The following RBFOX3 variants were observed in gnomAD, a reference collection of about 807,000 sequenced individuals.
RBFOX3 encodes RNA binding protein fox-1 homolog 3.
In RBFOX3, 17 loss-of-function variants were observed where a neutral mutation model predicts 48.7. The observed-to-expected ratio is 0.35, with a 90% confidence interval of 0.24 to 0.52. RBFOX3 has a LOEUF of 0.52. RBFOX3 is among the 20% of genes least tolerant of loss of function. The probability of loss-of-function intolerance (pLI) is 0.94; values close to 1 mark genes in which losing one functional copy is unlikely to be tolerated. For missense variants in RBFOX3, 382 were observed against 497.5 expected, an observed-to-expected ratio of 0.77 and a Z score of 2.21; for synonymous variants, 212 against 209.5, an observed-to-expected ratio of 1.01 and a Z score of -0.10.
chr17:79,504,740 A>G (rs2082846257), intron 1 of RBFOX3, among the ~76,000 whole-genome samples: 1 of 152,130 alleles, frequency 6.6e-6, no homozygotes, highest in South Asian at 2.1e-4. Context: ...CCAGCTCAAG[A>G]TCCTTCACTT....
chr17:79,391,257 A>C lies in RBFOX3; in HGVS notation c.-174-83433T>G, dbSNP rs2061347348. 6.6e-6 allele frequency among the ~76,000 whole-genome samples: 1 copy of C among 151,088 alleles called. No homozygotes were observed. Among genetic ancestry groups the C allele is most frequent in the Non-Finnish European group, 1.5e-5 (1 of 67,810 alleles). ...GATGAAATCCAAATTCCTTAGCGCA[A>C]CCCCCAAGCTGGGGTCTCAGCTCCA... On this transcript the variant is annotated intron_variant, in intron 2 of 14. Transcript: ENST00000693108. This position sits in a 1 kb window ranked among gnomAD's most constrained non-coding sequence, Gnocchi z 5.0.
Position 79,535,646 on chromosome 17 carries a change from C to A in RBFOX3, c.-319-53048G>T, listed in dbSNP as rs1408075512. ...ATTCTGGGCGGACAAGGCAGGATAG[C>A]CAGCCCACAAAGACACAGTATGCGC... On this transcript the variant is annotated intron_variant, in intron 1 of 14. Coordinates refer to ENST00000693108, the MANE Select transcript of RBFOX3 (RefSeq NM_001350451.2). The surrounding 1 kb of genome is among the most constrained non-coding windows in gnomAD (Gnocchi z 4.5). Among the ~76,000 whole-genome samples, 1 of 152,184 alleles carries A rather than the reference C, an allele frequency of 6.6e-6. No individual in the cohort carries two copies. Among genetic ancestry groups the A allele is most frequent in the Non-Finnish European group, 1.5e-5 (1 of 68,028 alleles).
chr17:79,490,016 G>T (rs1311348429), intron 1 of RBFOX3, among the ~76,000 whole-genome samples: 1 of 152,096 alleles, frequency 6.6e-6, no homozygotes, highest in African/African-American at 2.4e-5. Context: ...AGATTATAGG[G>T]AATATACAAT....
the RBFOX3 span, among the ~76,000 whole-genome samples, chr17:79,642,443 T>C: frequency 2.0e-5 from 3 of 152,316 alleles, no homozygotes; most frequent in African/African-American, 7.2e-5. Context: ...AATGTATATA[T>C]ATATACAAAT....
the RBFOX3 span, among the ~76,000 whole-genome samples, chr17:79,628,138 C>G: frequency 6.6e-4 from 100 of 151,444 alleles, no homozygotes; most frequent in Non-Finnish European, 1.2e-3. Context: ...TCCAGGACCC[C>G]CAACTCCAAA....
At chr17:79,593,573 G>T (rs2093483362) in intron 1 of RBFOX3, among the ~76,000 whole-genome samples, 1 of 152,192 alleles carries the variant, frequency 6.6e-6, no homozygotes, top group African/African-American at 2.4e-5. Context: ...CACCGAGGGA[G>T]GAATCCTTTC....
rs557599713 is a variant in RBFOX3, at chr17:79,115,514, C to A, written c.202G>T (p.Ala68Ser). Residue 68 changes from alanine (A) to serine (S), a missense_variant, in exon 5 of 15, where the codon GCC (alanine) becomes TCC (serine). This residue lies in a region of RBFOX3 where 118 missense variants were observed against 132.1 expected (regional missense o/e 0.89). Transcript: ENST00000693108. ...CTTACCGGCACTGTCTGGGTCCCGG[C>A]GATGGGCTGTGTGCTGGCCTCGGAG... is the stretch of plus-strand genomic sequence containing the variant. ...PGSEASTQPI[A>S]GTQTVPQTDE... 2 of 1,337,262 alleles carry A rather than the reference C, an allele frequency of 1.5e-6. No individual in the cohort carries two copies. The highest frequency in any genetic ancestry group is 1.5e-5 in the African/African-American group (1 of 65,406). 82.8% of individuals were successfully genotyped at this position (1,337,262 alleles called of 1,614,324 possible). A position where few individuals can be genotyped will look rare whatever the true frequency, so the allele number is the denominator to read the frequency against.
Position 79,525,088 on chromosome 17 carries a change from C to T in RBFOX3, c.-319-42490G>A, listed in dbSNP as rs1232971897. On this transcript the variant is annotated intron_variant, in intron 1 of 14. Transcript: ENST00000693108. ...GAAAGAGACCAACCATGTCTCCCAA[C>T]CTTTCGGGGTGCCCTGTAAACCAGA... Among the ~76,000 whole-genome samples the T allele has an allele frequency of 3.3e-5, 5 of 152,336 alleles. No individual in the cohort carries two copies. In the East Asian group the frequency reaches 7.7e-4, roughly 24 times the overall value.
rs553454575 is a variant in RBFOX3 at position 79,273,566 on chromosome 17, T to C, written c.-74+34158A>G. ...TGGCAGGCTATAGGGTAAACAGTGC[T>C]CTGGGGGGGGCGGGGGCGGGGTGCT... On this transcript the variant is annotated intron_variant, in intron 3 of 14. Coordinates refer to ENST00000693108, the MANE Select transcript of RBFOX3 (RefSeq NM_001350451.2). 1.2e-3 allele frequency among the ~76,000 whole-genome samples: 114 copies of C among 94,966 alleles called. 1 individual carries two copies. The highest frequency in any genetic ancestry group is 3.7e-3 in the African/African-American group (107 of 28,598). The allele number at this position is 94,966 out of a possible 152,430, so 62.3% of individuals were successfully genotyped here. A position where few individuals can be genotyped will look rare whatever the true frequency, so the allele number is the denominator to read the frequency against.
At chr17:79,652,453 A>C in the RBFOX3 span, among the ~76,000 whole-genome samples, 1 of 144,180 alleles carries the variant, frequency 6.9e-6, no homozygotes, top group African/African-American at 2.6e-5. Context: ...CTGGAAAGAA[A>C]GAGAGAGAGA....
chr17:79,101,025 C>T (rs980491117), intron 9 of RBFOX3, among the ~76,000 whole-genome samples: 19 of 152,212 alleles, frequency 1.2e-4, no homozygotes, highest in African/African-American at 4.6e-4. Context: ...GCACCTCCCC[C>T]CGGGCCCTTC....
chr17:79,093,993 C>T (rs772559834), intron 14 of RBFOX3, among the ~76,000 whole-genome samples: 8 of 152,102 alleles, frequency 5.3e-5, no homozygotes, highest in African/African-American at 9.7e-5. Context: ...ACTCCCCTCT[C>T]GGATGCGATG....
chr17:79,464,261 A>G (rs527900470), intron 2 of RBFOX3, among the ~76,000 whole-genome samples: 39 of 152,232 alleles, frequency 2.6e-4, no homozygotes, highest in Non-Finnish European at 5.0e-4. Context: ...CTCTCCTTCA[A>G]GCTTCTTCCA....
At position 79,103,943 on chromosome 17, in the gene RBFOX3, A is replaced by G; in HGVS notation, c.414+130T>C. 1.4e-6 allele frequency: 1 copy of G among 738,068 alleles called. No individual in the cohort carries two copies. Among genetic ancestry groups the G allele is most frequent in the Non-Finnish European group, 2.3e-6 (1 of 427,554 alleles). The allele number at this position is 738,068 out of a possible 1,614,324, so 45.7% of individuals were successfully genotyped here. On this transcript the variant is annotated intron_variant, in intron 7 of 14. Transcript: ENST00000693108. This position sits in a 1 kb window ranked among gnomAD's most constrained non-coding sequence, Gnocchi z 6.1. ...GCGGGTGGGGGCGGAAGAGCGGGGA[A>G]TACAAGCACCCGTGTCGCTCAGGGG...
intron 1 of RBFOX3, among the ~76,000 whole-genome samples, chr17:79,537,121 A>AAAC (rs1568390055): frequency 2.6e-5 from 4 of 151,152 alleles, no homozygotes; most frequent in Admixed American, 6.6e-5. Flanking sequence ...AAAAAACAAA[A>AAAC]AAAAAAAAAA....
chr17:79,664,617 G>C, the RBFOX3 span, among the ~76,000 whole-genome samples: 1 of 152,138 alleles, frequency 6.6e-6, no homozygotes, highest in Non-Finnish European at 1.5e-5. Flanking sequence ...CAAAGTGCTG[G>C]GATTATAGGC....
intron 4 of RBFOX3, among the ~76,000 whole-genome samples, chr17:79,145,158 C>T (rs1244324509): frequency 1.3e-5 from 2 of 152,150 alleles, no homozygotes; most frequent in South Asian, 2.1e-4. Context: ...GCCCAGAGCC[C>T]GAGTTTGGGC....
intron 4 of RBFOX3, among the ~76,000 whole-genome samples, chr17:79,225,225 G>A (rs2060172178): frequency 6.6e-6 from 1 of 150,934 alleles, no homozygotes; most frequent in Admixed American, 6.6e-5. Flanking sequence ...CCAATCTCAA[G>A]CTTCCTCCCT....
At chr17:79,178,940 C>T (rs914395836) in intron 4 of RBFOX3, among the ~76,000 whole-genome samples, 1 of 152,214 alleles carries the variant, frequency 6.6e-6, no homozygotes, top group Admixed American at 6.5e-5. Flanking sequence ...CGCGGGTGCA[C>T]GAGCTGCTGT....
Sources: allele counts gnomAD v4.1 joint callset (sites outside exome capture counted in the v4.1 genomes callset), GRCh38; gene constraint gnomAD v4.1.1; regional missense constraint gnomAD v4.1.1; non-coding constraint Gnocchi (gnomAD v3.1); transcripts MANE v1.5; gene names NCBI Gene and HGNC (gene_info 2026-07-23, HGNC 2026-07-21).